Variants in CERS6 observed in about 807,000 individuals in gnomAD.
The protein encoded by CERS6 is ceramide synthase 6.
CERS6 carries 26 observed loss-of-function variants against 56.8 expected under a neutral mutation model. The ratio of observed to expected loss-of-function variants is 0.46; its 90% CI spans 0.34 to 0.63. The LOEUF is 0.63. Among genes scored for constraint, CERS6 ranks in the 30% least tolerant of loss-of-function variants. CERS6 has a pLI of 0.01. For missense variants in CERS6, 415 were observed against 467.5 expected, an observed-to-expected ratio of 0.89 and a Z score of 1.04; for synonymous variants, 164 against 173.3, an observed-to-expected ratio of 0.95 and a Z score of 0.42.
At chr2:168,522,732 A>T (rs1362593347) in intron 1 of CERS6, among the ~76,000 whole-genome samples, 1 of 152,114 alleles carries the variant, frequency 6.6e-6, no homozygotes, top group Non-Finnish European at 1.5e-5. Flanking sequence ...ACTTTTTTGT[A>T]GAGACAGGGT....
chr2:168,546,497 C>A (rs572476623), intron 1 of CERS6, among the ~76,000 whole-genome samples: 19 of 152,226 alleles, frequency 1.2e-4, no homozygotes, highest in African/African-American at 4.3e-4. Context: ...GAAATAGGAC[C>A]CAGTAGGATA....
intron 3 of CERS6, among the ~76,000 whole-genome samples, chr2:168,572,761 G>T (rs983460170): frequency 1.3e-5 from 2 of 152,034 alleles, no homozygotes; most frequent in African/African-American, 2.4e-5. Flanking sequence ...GAGACTTGCC[G>T]TGTTCGCTGT....
intron 3 of CERS6, among the ~76,000 whole-genome samples, chr2:168,605,035 C>T (rs1325815701): frequency 1.3e-5 from 2 of 152,134 alleles, no homozygotes; most frequent in African/African-American, 4.8e-5. Context: ...CTGCCCATTA[C>T]CCAGTTCAAC....
intron 1 of CERS6, among the ~76,000 whole-genome samples, chr2:168,499,572 T>C (rs137976546): frequency 6.6e-6 from 1 of 152,220 alleles, no homozygotes; most frequent in East Asian, 1.9e-4. Context: ...TGTTTGGAAA[T>C]TTTTTCTGTA....
chr2:168,711,868 T>G (rs886428589), intron 6 of CERS6, among the ~76,000 whole-genome samples: 1 of 152,186 alleles, frequency 6.6e-6, no homozygotes, highest in Non-Finnish European at 1.5e-5. Context: ...TTTTCAGTAG[T>G]CTGGTCCTGT....
chr2:168,718,103 C>A lies in CERS6; in HGVS notation c.845+125C>A, dbSNP rs1017872602. ...AATATATTGGGGGGGAGGGGAAATA[C>A]CTCAAGAAGCTGCTTGATTTCTTCT... On this transcript the variant is annotated intron_variant, in intron 8 of 9. Coordinates refer to ENST00000305747, the MANE Select transcript of CERS6 (RefSeq NM_203463.3). 32 of 629,516 alleles carry A rather than the reference C, an allele frequency of 5.1e-5. No individual in the cohort carries two copies. The East Asian group carries it at 9.0e-4, about 18-fold the overall frequency. 39.0% of individuals were successfully genotyped at this position (629,516 alleles called of 1,614,324 possible). A position where few individuals can be genotyped will look rare whatever the true frequency, so the allele number is the denominator to read the frequency against.
At chr2:168,496,604 G>A (rs1694475932) in intron 1 of CERS6, among the ~76,000 whole-genome samples, 2 of 152,070 alleles carry the variant, frequency 1.3e-5, no homozygotes, top group Admixed American at 6.6e-5. Flanking sequence ...TTTCTTACCT[G>A]CCTACTCACA....
In CERS6 at chr2:168,772,189, G is replaced by C. The variant is rs963666039; in HGVS notation, c.*2527G>C. On this transcript the variant is annotated 3_prime_UTR_variant, in exon 10 of 10. Coordinates refer to ENST00000305747, the MANE Select transcript of CERS6 (RefSeq NM_203463.3). ...AATTCAACTATAGGTTAGTCAGAAT[G>C]CTGTTTTTCGTTAATTAACTTAGCC... The C allele has an allele frequency of 6.6e-6, 1 of 152,210 alleles. No individual in the cohort carries two copies. 9.4% of individuals were successfully genotyped at this position (152,210 alleles called of 1,614,324 possible). A position where few individuals can be genotyped will look rare whatever the true frequency, so the allele number is the denominator to read the frequency against.
At chr2:168,749,759 A>C (rs987603495) in intron 8 of CERS6, among the ~76,000 whole-genome samples, 4 of 152,178 alleles carry the variant, frequency 2.6e-5, no homozygotes, top group African/African-American at 9.7e-5. Context: ...CCCCAAAGTG[A>C]GGCTTAGTCC....
chr2:168,553,256 A>G (rs945263394), intron 2 of CERS6, among the ~76,000 whole-genome samples: 3 of 152,228 alleles, frequency 2.0e-5, no homozygotes, highest in African/African-American at 4.8e-5. Context: ...GCATCTCTGT[A>G]ATAGGAATCC....
chr2:168,693,558 A>T lies in CERS6; in HGVS notation c.517-1401A>T, dbSNP rs79367284. Among the ~76,000 whole-genome samples the T allele has an allele frequency of 3.4e-4, 52 of 152,188 alleles. No individual in the cohort carries two copies. In the East Asian group the frequency reaches 8.7e-3, roughly 25 times the overall value. On this transcript the variant is annotated intron_variant, in intron 5 of 9. Coordinates refer to ENST00000305747, the MANE Select transcript of CERS6 (RefSeq NM_203463.3). ...AGCCATCCATCTGCCCTGAATATCC[A>T]TTCTTCATCGTTAATGCCTTCAAGT...
At chr2:168,655,316 G>A (rs1393951487) in intron 4 of CERS6, among the ~76,000 whole-genome samples, 6 of 152,184 alleles carry the variant, frequency 3.9e-5, no homozygotes, top group Non-Finnish European at 8.8e-5. Flanking sequence ...AGAAAACAGT[G>A]TGAAGTTTCC....
intron 4 of CERS6, among the ~76,000 whole-genome samples, chr2:168,659,620 A>G (rs75694086): frequency 0.051 from 7,765 of 152,206 alleles, 529 homozygotes; most frequent in African/African-American, 0.15. Flanking sequence ...CACTCCACAT[A>G]TATGTTTCCA....
chr2:168,726,533 G>C (rs1683359981), intron 8 of CERS6, among the ~76,000 whole-genome samples: 1 of 152,184 alleles, frequency 6.6e-6, no homozygotes, highest in Non-Finnish European at 1.5e-5. Flanking sequence ...TGAAAGAGAA[G>C]TGGCATGGTA....
At chr2:168,675,942 C>T (rs1324863025) in intron 4 of CERS6, among the ~76,000 whole-genome samples, 2 of 152,156 alleles carry the variant, frequency 1.3e-5, no homozygotes, top group Non-Finnish European at 2.9e-5. Context: ...ACCTCGGCCT[C>T]CCAAAGTGCT....
rs755059125 is a variant in CERS6 at position 168,547,606 on chromosome 2, A to G, written c.181A>G (p.Lys61Glu). 2.5e-6 allele frequency: 4 copies of G among 1,613,008 alleles called. No homozygotes were observed. The highest frequency in any genetic ancestry group is 3.4e-6 in the Non-Finnish European group (4 of 1,179,072). ...TTTTGTAATTTTTAGATTTGTAGCCAAACCGTGCGCCATAGCCCTCAACAT... is the reference window on the plus strand; with the variant it reads ...TTTTGTAATTTTTAGATTTGTAGCCGAACCGTGCGCCATAGCCCTCAACAT... ...VRLIFERFVA[K>E]PCAIALNIQA... Residue 61 changes from lysine to glutamate, a missense_variant, in exon 2 of 10, where the codon AAA (lysine) becomes GAA (glutamate). Lys to Glu is a moderately conservative substitution (Grantham distance 56). Coordinates refer to ENST00000305747, the MANE Select transcript of CERS6 (RefSeq NM_203463.3).
intron 1 of CERS6, among the ~76,000 whole-genome samples, chr2:168,478,158 T>C (rs1056792865): frequency 1.3e-5 from 2 of 152,138 alleles, no homozygotes; most frequent in African/African-American, 2.4e-5. Flanking sequence ...ACTAGTCAGT[T>C]TCCCCAGAGA....
chr2:168,668,980 A>G lies in CERS6; in HGVS notation c.466-22054A>G, dbSNP rs185052897. On this transcript the variant is annotated intron_variant, in intron 4 of 9. Coordinates refer to ENST00000305747, the MANE Select transcript of CERS6 (RefSeq NM_203463.3). The stretch of plus-strand genomic sequence containing the variant: ...AGGATGGGTACTGTAAACCATTGAA[A>G]TCTTTATCTGACTTTGTATGTCCCT... 5.2e-4 allele frequency among the ~76,000 whole-genome samples: 79 copies of G among 152,242 alleles called. No homozygotes were observed. The East Asian group carries it at 0.012, about 23-fold the overall frequency.
At chr2:168,565,131 T>A (rs1362280677) in intron 3 of CERS6, among the ~76,000 whole-genome samples, 1 of 152,188 alleles carries the variant, frequency 6.6e-6, no homozygotes, top group Non-Finnish European at 1.5e-5. Context: ...AAGAATGGGA[T>A]GGCAAAGGAG....
Sources: allele counts gnomAD v4.1 joint callset (sites outside exome capture counted in the v4.1 genomes callset), GRCh38; gene constraint gnomAD v4.1.1; transcripts MANE v1.5; gene names NCBI Gene and HGNC (gene_info 2026-07-23, HGNC 2026-07-21).